PARVB: variants seen among roughly 807,000 people sequenced by gnomAD.
The protein encoded by PARVB is parvin beta.
A neutral mutation model predicts 47.0 loss-of-function variants in PARVB; 46 were observed. The observed-to-expected ratio is 0.98, with a 90% CI of 0.77 to 1.25. PARVB has a LOEUF of 1.25. Among genes scored for constraint, PARVB ranks in the 50% most tolerant of loss-of-function variants. The probability of loss-of-function intolerance (pLI) is 0.00; values close to 1 mark genes in which losing one functional copy is unlikely to be tolerated. For synonymous variants in PARVB, 196 were observed against 196.3 expected (o/e 1.00, Z 0.01); for missense variants, 473 against 471.6 (o/e 1.00, Z -0.03).
At chr22:44,047,320 A>C (rs149020525) in intron 1 of PARVB, among the ~76,000 whole-genome samples, 9 of 152,228 alleles carry the variant, frequency 5.9e-5, no homozygotes, top group Admixed American at 2.0e-4. Flanking sequence ...AAACAGAAAC[A>C]CAGCTGCATT....
At chr22:44,027,781 C>T (rs889178662) in intron 1 of PARVB, among the ~76,000 whole-genome samples, 17 of 151,752 alleles carry the variant, frequency 1.1e-4, no homozygotes, top group African/African-American at 4.1e-4. Context: ...GCCTGTAATC[C>T]CAGCTACTTG....
In PARVB at chr22:44,119,555, A is replaced by G. The variant is rs188091643; in HGVS notation, c.376+415A>G. ...AATACATGATAGCTCATGTTCCCTC[A>G]CCAGGGGCGGGCTCTAGTGTCTGCA... On this transcript the variant is annotated intron_variant, in intron 4 of 12. Coordinates refer to ENST00000338758, the MANE Select transcript of PARVB (RefSeq NM_013327.5). Among the ~76,000 whole-genome samples, 9 of 152,184 alleles carry G rather than the reference A, an allele frequency of 5.9e-5. 1 individual carries two copies. Among genetic ancestry groups the G allele is most frequent in the Admixed American group, 5.9e-4 (9 of 15,280 alleles).
chr22:44,046,975 G>A (rs2051124338), intron 1 of PARVB, among the ~76,000 whole-genome samples: 1 of 152,180 alleles, frequency 6.6e-6, no homozygotes, highest in African/African-American at 2.4e-5. Context: ...GGGGGGTGGG[G>A]ATGGCCCGGG....
At position 44,155,070 on chromosome 22, in the gene PARVB, CTGTGTGGTGTG is replaced by C. The variant is rs967111979; in HGVS notation, c.844-2901_844-2891del. ...TGTGTGTGTGTGTGGTTTTTGTAGT[CTGTGTGGTGTG>C]TGTGTGGTGTAGGTGTGTGTTTTCC... On this transcript the variant is annotated intron_variant, in intron 10 of 12. Coordinates refer to ENST00000338758, the MANE Select transcript of PARVB (RefSeq NM_013327.5). The surrounding 1 kb of genome is among the most constrained non-coding windows in gnomAD (Gnocchi z 4.8). Among the ~76,000 whole-genome samples, 76 of 144,220 alleles carry C rather than the reference CTGTGTGGTGTG, an allele frequency of 5.3e-4. No homozygotes were observed. The highest frequency in any genetic ancestry group is 2.0e-3 in the African/African-American group (74 of 36,364). The allele number at this position is 144,220 out of a possible 152,430, so 94.6% of individuals were successfully genotyped here.
chr22:44,051,199 G>A (rs1313110162), intron 1 of PARVB, among the ~76,000 whole-genome samples: 2 of 152,240 alleles, frequency 1.3e-5, no homozygotes, highest in Admixed American at 6.5e-5. Context: ...TTTGACAGGT[G>A]CCATGCCGTC....
At chr22:44,051,072 C>T in intron 1 of PARVB, among the ~76,000 whole-genome samples, 1 of 152,176 alleles carries the variant, frequency 6.6e-6, no homozygotes, top group Non-Finnish European at 1.5e-5. Flanking sequence ...CTGCTGCGGG[C>T]TTCAAGAGCA....
chr22:44,048,211 G>T (rs904766627), intron 1 of PARVB, among the ~76,000 whole-genome samples: 6 of 152,182 alleles, frequency 3.9e-5, no homozygotes, highest in Non-Finnish European at 5.9e-5. Context: ...GGGCCTGAAA[G>T]CCTGGTGCAG....
Position 44,168,719 on chromosome 22 carries a change from A to T in PARVB, c.*41A>T, listed in dbSNP as rs918566518. On this transcript the variant is annotated 3_prime_UTR_variant, in exon 13 of 13. Coordinates refer to ENST00000338758, the MANE Select transcript of PARVB (RefSeq NM_013327.5). ...TGGTGGCAGGAGTGTCCCAGCAAGA[A>T]AGGCGGCATCCGTCTGTGCCCTGTG... The T allele has an allele frequency of 1.4e-6, 2 of 1,387,290 alleles. No individual in the cohort carries two copies. The highest frequency in any genetic ancestry group is 2.8e-5 in the African/African-American group (2 of 70,370). 85.9% of individuals were successfully genotyped at this position (1,387,290 alleles called of 1,614,324 possible).
chr22:44,120,218 C>G (rs934490474), intron 4 of PARVB, among the ~76,000 whole-genome samples: 1 of 152,246 alleles, frequency 6.6e-6, no homozygotes, highest in African/African-American at 2.4e-5. Flanking sequence ...ACAGCTGGTT[C>G]TCACAACAGC....
At chr22:44,041,055 T>G (rs994170357) in intron 1 of PARVB, among the ~76,000 whole-genome samples, 1 of 151,584 alleles carries the variant, frequency 6.6e-6, no homozygotes, top group Non-Finnish European at 1.5e-5. Context: ...TCCCACAGTT[T>G]GTGGGAATTA....
rs535457009 is a variant in PARVB, at chr22:44,150,231, T to C, written c.775-1252T>C. 3.9e-5 allele frequency: 6 copies of C among 152,312 alleles called. No homozygotes were observed. The East Asian group carries it at 9.7e-4, about 25-fold the overall frequency. 9.4% of individuals were successfully genotyped at this position (152,312 alleles called of 1,614,324 possible). A position where few individuals can be genotyped will look rare whatever the true frequency, so the allele number is the denominator to read the frequency against. On this transcript the variant is annotated intron_variant, in intron 9 of 12. Transcript: ENST00000338758. The stretch of plus-strand genomic sequence containing the variant: ...ATGTCATGGGCAGTGGTGGATGATA[T>C]TGAGTTTCTATCAAAGTTGGCTTTG...
chr22:44,089,357 C>A lies in PARVB; in HGVS notation c.113-4571C>A. 1 of 152,486 alleles carries A rather than the reference C, an allele frequency of 6.6e-6. No individual in the cohort carries two copies. The highest frequency in any genetic ancestry group is 1.5e-5 in the Non-Finnish European group (1 of 68,196). The allele number at this position is 152,486 out of a possible 1,614,324, so 9.4% of individuals were successfully genotyped here. A position where few individuals can be genotyped will look rare whatever the true frequency, so the allele number is the denominator to read the frequency against. ...ATCACCCATCTCATGAAATCAAGCC[C>A]CAGTCCCTTGGAAGCTCACACCCTC... On this transcript the variant is annotated intron_variant, in intron 1 of 12. Coordinates refer to ENST00000338758, the MANE Select transcript of PARVB (RefSeq NM_013327.5). The surrounding 1 kb of genome is among the most constrained non-coding windows in gnomAD (Gnocchi z 4.0).
At chr22:44,094,351 C>T (rs1170616155) in intron 2 of PARVB, among the ~76,000 whole-genome samples, 1 of 151,790 alleles carries the variant, frequency 6.6e-6, no homozygotes, top group African/African-American at 2.4e-5. Flanking sequence ...AGGGCCATGC[C>T]ATGCCACGCC....
intron 3 of PARVB, among the ~76,000 whole-genome samples, chr22:44,118,771 A>G (rs1408117617): frequency 6.6e-6 from 1 of 151,022 alleles, no homozygotes; most frequent in Non-Finnish European, 1.5e-5. Flanking sequence ...GTGGCCACAG[A>G]GCTGTACAGC....
chr22:44,112,810 C>G (rs1301431347), intron 3 of PARVB: 1 of 132,188 alleles, frequency 7.6e-6, no homozygotes, highest in Non-Finnish European at 1.5e-5. Flanking sequence ...TACATTGTTA[C>G]TAACTAAGGC....
chr22:44,030,846 C>T (rs973218200), intron 1 of PARVB, among the ~76,000 whole-genome samples: 1 of 152,096 alleles, frequency 6.6e-6, no homozygotes, highest in Non-Finnish European at 1.5e-5. Flanking sequence ...CACGTGACCC[C>T]TCTGATAGCG....
chr22:44,164,743 CA>C (rs2054129582), intron 12 of PARVB, among the ~76,000 whole-genome samples: 1 of 152,186 alleles, frequency 6.6e-6, no homozygotes, highest in Non-Finnish European at 1.5e-5. Context: ...CTGAGTCCCC[CA>C]TGGTGCTATA....
At chr22:44,151,347 G>A (rs2053803433) in intron 9 of PARVB, 136 bp from the exon 10 acceptor site, 1 of 668,860 alleles carries the variant, frequency 1.5e-6, no homozygotes, top group Non-Finnish European at 2.7e-6. Context: ...TTGAAACATG[G>A]GCTTTTTATT....
chr22:44,147,832 C>T (rs1339655866), intron 8 of PARVB, 29 bp from the exon 9 acceptor site: 7 of 1,608,720 alleles, frequency 4.4e-6, no homozygotes, highest in Non-Finnish European at 5.1e-6. Context: ...CATAAACGCT[C>T]CTTCGTGTCT....
Sources: allele counts gnomAD v4.1 joint callset (sites outside exome capture counted in the v4.1 genomes callset), GRCh38; gene constraint gnomAD v4.1.1; non-coding constraint Gnocchi (gnomAD v3.1); transcripts MANE v1.5; gene names NCBI Gene and HGNC (gene_info 2026-07-23, HGNC 2026-07-21).